DOCK10: variants seen among roughly 807,000 people sequenced by gnomAD.
The protein encoded by DOCK10 is dedicator of cytokinesis 10.
A neutral mutation model predicts 280.1 loss-of-function variants in DOCK10; 145 were observed. The ratio of observed to expected loss-of-function variants is 0.52; its 90% CI spans 0.45 to 0.59. The LOEUF is 0.59. Among genes scored for constraint, DOCK10 ranks in the 20% least tolerant of loss-of-function variants. The pLI, the probability that DOCK10 is intolerant of heterozygous loss-of-function variation, is 0.00. For synonymous variants in DOCK10, 915 were observed against 942.2 expected, an observed-to-expected ratio of 0.97 and a Z score of 0.53; for missense variants, 2,368 against 2,651.7, an observed-to-expected ratio of 0.89 and a Z score of 2.35.
chr2:224,926,438 C>T (rs952928421), intron 2 of DOCK10, among the ~76,000 whole-genome samples: 8 of 152,304 alleles, frequency 5.3e-5, no homozygotes, highest in East Asian at 1.9e-4. Flanking sequence ...CAGTGGCTCA[C>T]GCCTGTAATC....
At chr2:224,878,404 G>A (rs958926144) in intron 7 of DOCK10, among the ~76,000 whole-genome samples, 3 of 152,212 alleles carry the variant, frequency 2.0e-5, no homozygotes, top group Non-Finnish European at 4.4e-5. Context: ...AAATGGTAGA[G>A]AAGGGAAAAT....
chr2:224,881,658 AATC>A (rs1207140627), intron 7 of DOCK10, among the ~76,000 whole-genome samples: 25 of 152,196 alleles, frequency 1.6e-4, no homozygotes, highest in Admixed American at 1.6e-3. Context: ...TAAATGGAAC[AATC>A]ATAGTTCATG....
At chr2:224,819,636 G>T in intron 28 of DOCK10, 107 bp from the exon 29 acceptor site, 1 of 686,912 alleles carries the variant, frequency 1.5e-6, no homozygotes, top group African/African-American at 1.9e-5. Context: ...TAAACTAAAT[G>T]TGTTGTATAA....
intron 7 of DOCK10, among the ~76,000 whole-genome samples, chr2:224,877,516 T>C (rs1056852770): frequency 1.3e-5 from 2 of 152,168 alleles, no homozygotes; most frequent in African/African-American, 4.8e-5. Context: ...GTTGACATTC[T>C]AGTAGAGAAG....
intron 3 of DOCK10, among the ~76,000 whole-genome samples, chr2:224,908,423 G>C (rs1284718976): frequency 8.2e-4 from 79 of 96,422 alleles, no homozygotes; most frequent in African/African-American, 3.3e-3. Context: ...GTTTGTGTGT[G>C]TGTGTGTGTG....
Position 224,874,043 on chromosome 2 carries a change from T to G in DOCK10, c.1210A>C (p.Asn404His). The G allele has an allele frequency of 6.2e-7, 1 of 1,613,496 alleles. No homozygotes were observed. The highest frequency in any genetic ancestry group is 8.5e-7 in the Non-Finnish European group (1 of 1,179,778). Residue 404 changes from asparagine (N) to histidine (H), a missense_variant, in exon 11 of 56, where the codon AAT becomes CAT. By Grantham distance (68) the Asn-to-His change is moderately conservative (BLOSUM62 1). Coordinates refer to ENST00000258390, the MANE Select transcript of DOCK10 (RefSeq NM_014689.3). ...TTCTCCGTAACACATCCCTGAAGATTTGAGTTGAGGGCTTTACAGATGATC... is the reference window on the plus strand; with the variant it reads ...TTCTCCGTAACACATCCCTGAAGATGTGAGTTGAGGGCTTTACAGATGATC... ...IMIICKALNS[N>H]LQGCVTENEN...
chr2:225,032,891 T>C (rs896768805), intron 1 of DOCK10, among the ~76,000 whole-genome samples: 1 of 152,240 alleles, frequency 6.6e-6, no homozygotes, highest in African/African-American at 2.4e-5. Flanking sequence ...AAAGAGTCAC[T>C]GGTCATTTTG....
chr2:224,799,462 C>T (rs1277026002), intron 41 of DOCK10, among the ~76,000 whole-genome samples: 1 of 152,198 alleles, frequency 6.6e-6, no homozygotes, highest in Non-Finnish European at 1.5e-5. Context: ...TAAAATAAAG[C>T]TGTCATGCAT....
At chr2:224,812,327 C>T (rs901945277) in intron 31 of DOCK10, among the ~76,000 whole-genome samples, 16 of 152,146 alleles carry the variant, frequency 1.1e-4, no homozygotes, top group African/African-American at 2.9e-4. Context: ...GATTTTTGTA[C>T]ATTGATTTTG....
chr2:224,834,198 A>C lies in DOCK10; in HGVS notation c.2916T>G (p.Thr972=), dbSNP rs147648467. Residue 972 remains threonine, a synonymous_variant, in exon 26 of 56, where the codon ACT becomes ACG. Transcript: ENST00000258390. ...TVHEELAKNV[T]GLLKSNDSTT... is the part of the protein sequence containing the mutation. ...TTGAGTCATTTGATTTCAAAAGACC[A>C]GTCACATTTTTAGCCAGTTCCTCAT... is the stretch of plus-strand genomic sequence containing the variant. 1.4e-5 allele frequency: 22 copies of C among 1,613,670 alleles called. No individual in the cohort carries two copies. In the African/African-American group the frequency reaches 2.8e-4, roughly 21 times the overall value.
chr2:224,946,887 A>G lies in DOCK10; in HGVS notation c.124-15219T>C, dbSNP rs926078456. 4 of 1,547,204 alleles carry G rather than the reference A, an allele frequency of 2.6e-6. No individual in the cohort carries two copies. The African/African-American group carries it at 5.5e-5, about 21-fold the overall frequency. On this transcript the variant is annotated intron_variant, in intron 1 of 55. Transcript: ENST00000258390. The stretch of plus-strand genomic sequence containing the variant: ...GATTTCTTCTTGGTTTACTCTCCTC[A>G]CAGTTCGTCTCTTCTTCCAAAATTC...
At chr2:224,997,103 C>T (rs2126278324) in intron 1 of DOCK10, among the ~76,000 whole-genome samples, 1 of 152,326 alleles carries the variant, frequency 6.6e-6, no homozygotes, top group South Asian at 2.1e-4. Context: ...TCAAAATCTA[C>T]TGTAACCCCC....
At chr2:224,796,224 C>T (rs981860574) in intron 44 of DOCK10, 92 bp downstream of exon 44, 1 of 837,736 alleles carries the variant, frequency 1.2e-6, no homozygotes, top group African/African-American at 1.7e-5. Flanking sequence ...CCACTGTACC[C>T]AATCTATTTT....
At chr2:224,997,993 C>T (rs377254768) in intron 1 of DOCK10, among the ~76,000 whole-genome samples, 4 of 152,186 alleles carry the variant, frequency 2.6e-5, no homozygotes, top group East Asian at 3.9e-4. Context: ...AAAGATGTGT[C>T]GCTCCAGCTG....
Position 224,793,025 on chromosome 2 carries a change from C to A in DOCK10, c.5260G>T (p.Asp1754Tyr), listed in dbSNP as rs143123328. The A allele has an allele frequency of 3.1e-6, 5 of 1,613,718 alleles. No individual in the cohort carries two copies. Among genetic ancestry groups the A allele is most frequent in the Non-Finnish European group, 4.2e-6 (5 of 1,179,750 alleles). ...KICTASLLSEDTHPCDSNSLL... is the reference protein window; with the variant it reads ...KICTASLLSEYTHPCDSNSLL... ...GAGTTGCTATCACAGGGGTGGGTAT[C>A]CTCCGAGAGCAGGGATGCTGTGCAA... The change falls in exon 47 of 56, where the codon GAT (aspartate) becomes TAT (tyrosine). Residue 1754 changes from aspartate to tyrosine, a missense_variant. Coordinates refer to ENST00000258390, the MANE Select transcript of DOCK10 (RefSeq NM_014689.3).
chr2:224,920,997 G>C (rs1318878910), intron 2 of DOCK10, among the ~76,000 whole-genome samples: 1 of 147,658 alleles, frequency 6.8e-6, no homozygotes, highest in Non-Finnish European at 1.5e-5. Context: ...GCTCATGCCT[G>C]TAATCCCAGC....
intron 1 of DOCK10, among the ~76,000 whole-genome samples, chr2:225,001,637 A>G (rs1706433199): frequency 6.6e-6 from 1 of 152,204 alleles, no homozygotes; most frequent in South Asian, 2.1e-4. Flanking sequence ...ATACTGTGGA[A>G]GGGCAGTGTC....
intron 7 of DOCK10, among the ~76,000 whole-genome samples, chr2:224,879,528 C>A (rs577027486): frequency 6.6e-6 from 1 of 152,148 alleles, no homozygotes; most frequent in Non-Finnish European, 1.5e-5. Flanking sequence ...GAGGCCAAGG[C>A]GGGCAGCTCA....
intron 19 of DOCK10, among the ~76,000 whole-genome samples, chr2:224,847,780 A>T (rs1379339967): frequency 6.6e-6 from 1 of 152,176 alleles, no homozygotes; most frequent in Non-Finnish European, 1.5e-5. Context: ...AGGTAGTTTC[A>T]CTGATGTTCC....
Sources: gnomAD v4.1 joint callset for allele counts (sites outside exome capture counted in the v4.1 genomes callset) on GRCh38, gnomAD v4.1.1 for gene constraint, MANE v1.5 for transcripts, NCBI Gene and HGNC (gene_info 2026-07-23, HGNC 2026-07-21) for gene names.